The following FBLIM1 variants were observed in gnomAD, a reference collection of about 807,000 sequenced individuals.
The protein encoded by FBLIM1 is filamin-binding LIM protein 1.
FBLIM1 carries 29 observed loss-of-function variants against 37.4 expected under a neutral mutation model. That is an observed-to-expected ratio of 0.77 (90% CI 0.58 to 1.06). The LOEUF is 1.06. Ranked by LOEUF, FBLIM1 falls within the 50% of genes least tolerant of loss-of-function variation. The pLI, the probability that FBLIM1 is intolerant of heterozygous loss-of-function variation, is 0.00. For synonymous variants in FBLIM1, 193 were observed against 199.0 expected (o/e 0.97, Z 0.25); for missense variants, 449 against 505.6 (o/e 0.89, Z 1.07).
intron 5 of FBLIM1, among the ~76,000 whole-genome samples, chr1:15,769,400 C>G (rs960034458): frequency 1.3e-5 from 2 of 151,854 alleles, no homozygotes; most frequent in African/African-American, 2.4e-5. Context: ...TCTCTTGAAC[C>G]CAGGAGGCGG....
intron 1 of FBLIM1, among the ~76,000 whole-genome samples, chr1:15,761,964 C>T (rs762516600): frequency 4.6e-5 from 7 of 152,220 alleles, no homozygotes; most frequent in Non-Finnish European, 7.3e-5. Context: ...CTTTCCCACC[C>T]ATGGCCCCAC....
Position 15,758,922 on chromosome 1 carries a change from AGTGC to A in FBLIM1, c.-211+75_-211+78del, listed in dbSNP as rs1365274366. ...GGTGCACACAGGTGACAGCGCCGGC[AGTGC>A]TCGGCCGGAGCCTGCTCGGTCGCCA... On this transcript the variant is annotated intron_variant, in intron 1 of 8. Transcript: ENST00000375766. The surrounding 1 kb of genome is among the most constrained non-coding windows in gnomAD (Gnocchi z 6.2). 2.6e-5 allele frequency: 4 copies of A among 152,080 alleles called. No individual in the cohort carries two copies. In the East Asian group the frequency reaches 7.8e-4, roughly 30 times the overall value. The allele number at this position is 152,080 out of a possible 1,614,324, so 9.4% of individuals were successfully genotyped here.
At chr1:15,762,161 T>C (rs1366192370) in intron 1 of FBLIM1, among the ~76,000 whole-genome samples, 4 of 151,170 alleles carry the variant, frequency 2.6e-5, no homozygotes, top group African/African-American at 9.7e-5. Context: ...CAATCTCAGC[T>C]CACTGCAACC....
At chr1:15,764,454 C>T (rs757687483) in intron 1 of FBLIM1, 42 bp from the exon 2 acceptor site, 6 of 156,228 alleles carry the variant, frequency 3.8e-5, no homozygotes, top group Non-Finnish European at 8.4e-5. Flanking sequence ...AGCCCTGACG[C>T]CCTGGCAGAT....
intron 6 of FBLIM1, among the ~76,000 whole-genome samples, chr1:15,771,253 T>G (rs1478479085): frequency 1.3e-5 from 2 of 150,482 alleles, no homozygotes; most frequent in East Asian, 3.9e-4. Context: ...TTTTTTGTTT[T>G]TTTTTTTTTT....
chr1:15,768,830 A>G (rs2069059378), intron 5 of FBLIM1, among the ~76,000 whole-genome samples, 200 bp downstream of exon 5: 1 of 152,194 alleles, frequency 6.6e-6, no homozygotes, highest in African/African-American at 2.4e-5. Flanking sequence ...TCTATTTAAA[A>G]TGTTAGTCTG....
At chr1:15,769,335 G>A (rs552767800) in intron 5 of FBLIM1, among the ~76,000 whole-genome samples, 1 of 152,116 alleles carries the variant, frequency 6.6e-6, no homozygotes, top group East Asian at 1.9e-4. Context: ...AAGTTAGCTG[G>A]GTGTGGTGGT....
chr1:15,773,991 C>T (rs1383683991), intron 6 of FBLIM1, among the ~76,000 whole-genome samples: 4 of 151,898 alleles, frequency 2.6e-5, no homozygotes, highest in South Asian at 2.1e-4. Context: ...AAAAATTAGC[C>T]GGGCGTGGTG....
intron 7 of FBLIM1, 32 bp from the exon 8 acceptor site, chr1:15,777,137 AC>A: frequency 6.5e-7 from 1 of 1,543,758 alleles, no homozygotes; most frequent in Non-Finnish European, 8.9e-7. Context: ...TGTGGCATGA[AC>A]GCCTCCCAAG....
intron 5 of FBLIM1, among the ~76,000 whole-genome samples, chr1:15,769,986 AC>A (rs2069123259): frequency 6.7e-6 from 1 of 150,226 alleles, no homozygotes; most frequent in Non-Finnish European, 1.5e-5. Context: ...TCACTCTGTT[AC>A]CCATGCTGGA....
chr1:15,778,093 A>G lies in FBLIM1; in HGVS notation c.1008+806A>G, dbSNP rs140942133. Among the ~76,000 whole-genome samples, 1,182 of 152,260 alleles carry G rather than the reference A, an allele frequency of 7.8e-3. 22 individuals are homozygous for G. The highest frequency in any genetic ancestry group is 0.027 in the African/African-American group (1,132 of 41,546). ...CTCTAATCACCCCAGCTAGGGTCAC[A>G]TGCTCATTCAGGGCCAGTCACTGTG... On this transcript the variant is annotated intron_variant, in intron 8 of 8. Coordinates refer to ENST00000375766, the MANE Select transcript of FBLIM1 (RefSeq NM_017556.4).
chr1:15,770,286 G>T lies in FBLIM1; in HGVS notation c.542-123G>T, dbSNP rs561035081. ...ATGCTCCTCATGACCCTCTGTATTTGTCATTTGAGGAATTTGCAGGGTTTA... is the reference window on the plus strand; with the variant it reads ...ATGCTCCTCATGACCCTCTGTATTTTTCATTTGAGGAATTTGCAGGGTTTA... On this transcript the variant is annotated intron_variant, in intron 5 of 8. Coordinates refer to ENST00000375766, the MANE Select transcript of FBLIM1 (RefSeq NM_017556.4). The T allele has an allele frequency of 1.9e-3, 1,962 of 1,017,734 alleles. 4 individuals are homozygous for T. The highest frequency in any genetic ancestry group is 2.5e-3 in the Non-Finnish European group (1,790 of 704,182). 63.0% of individuals were successfully genotyped at this position (1,017,734 alleles called of 1,614,324 possible). A position where few individuals can be genotyped will look rare whatever the true frequency, so the allele number is the denominator to read the frequency against.
intron 8 of FBLIM1, among the ~76,000 whole-genome samples, chr1:15,777,591 T>C (rs1259860795): frequency 3.3e-5 from 5 of 150,844 alleles, no homozygotes; most frequent in African/African-American, 1.2e-4. Context: ...TTTTTTTTTT[T>C]TGGACACAGT....
chr1:15,785,761 T>A lies in FBLIM1; in HGVS notation c.*1100T>A, dbSNP rs1171835609. On this transcript the variant is annotated 3_prime_UTR_variant, in exon 9 of 9. Transcript: ENST00000375766. ...GCACATGTACAGGAATGGGACCCAGTTGGGGCACAGCCATGGACTTCCCCG... is the reference window on the plus strand; with the variant it reads ...GCACATGTACAGGAATGGGACCCAGATGGGGCACAGCCATGGACTTCCCCG... 6.6e-6 allele frequency: 1 copy of A among 152,226 alleles called. No homozygotes were observed. The highest frequency in any genetic ancestry group is 6.6e-5 in the Admixed American group (1 of 15,266). The allele number at this position is 152,226 out of a possible 1,614,324, so 9.4% of individuals were successfully genotyped here.
intron 1 of FBLIM1, among the ~76,000 whole-genome samples, chr1:15,763,974 A>G (rs1013102517): frequency 6.6e-6 from 1 of 152,212 alleles, no homozygotes; most frequent in East Asian, 1.9e-4. Context: ...AAAGAGATTG[A>G]TGCTCTAGAA....
chr1:15,769,761 T>C (rs7368383), intron 5 of FBLIM1, among the ~76,000 whole-genome samples: 99,914 of 151,402 alleles, frequency 0.66, 33,552 homozygotes, highest in East Asian at 0.82. Context: ...CTCAGTCTCC[T>C]GAGTACTGGG....
chr1:15,771,683 A>C (rs1299192723), intron 6 of FBLIM1, among the ~76,000 whole-genome samples: 2 of 151,884 alleles, frequency 1.3e-5, no homozygotes, highest in African/African-American at 2.4e-5. Flanking sequence ...TTTAGGACCC[A>C]CCTGGATAAT....
chr1:15,776,987 G>A lies in FBLIM1; in HGVS notation c.891-183G>A. The stretch of plus-strand genomic sequence containing the variant: ...ATCTCCAGTGACGCTGGGAAACCAG[G>A]TCTCATTACACAGGTCTCTCCACCT... On this transcript the variant is annotated intron_variant, in intron 7 of 8. Transcript: ENST00000375766. 8.7e-6 allele frequency: 5 copies of A among 576,860 alleles called. No homozygotes were observed. In the East Asian group the frequency reaches 1.1e-4, roughly 12 times the overall value. 35.7% of individuals were successfully genotyped at this position (576,860 alleles called of 1,614,324 possible).
chr1:15,767,781 C>A (rs1370272817), intron 4 of FBLIM1, among the ~76,000 whole-genome samples: 2 of 152,130 alleles, frequency 1.3e-5, no homozygotes, highest in Admixed American at 1.3e-4. Context: ...GATGCCACTG[C>A]CTCGCTGCTG....
Sources: gnomAD v4.1 joint callset for allele counts (sites outside exome capture counted in the v4.1 genomes callset) on GRCh38, gnomAD v4.1.1 for gene constraint, Gnocchi (gnomAD v3.1) non-coding constraint, MANE v1.5 for transcripts, NCBI Gene and HGNC (gene_info 2026-07-23, HGNC 2026-07-21) for gene names.